PARD6G: variants seen among roughly 807,000 people sequenced by gnomAD.
The protein encoded by PARD6G is par-6 family cell polarity regulator gamma.
A neutral mutation model predicts 10.7 loss-of-function variants in PARD6G; 7 were observed. That is an observed-to-expected ratio of 0.66 (90% confidence interval 0.37 to 1.23). The LOEUF (loss-of-function observed/expected upper bound fraction) is 1.23, where lower values mean the gene tolerates loss of function less well. PARD6G is among the 50% of genes most tolerant of loss of function. The probability of loss-of-function intolerance (pLI) is 0.02; values close to 1 mark genes in which losing one functional copy is unlikely to be tolerated. For missense variants in PARD6G, 548 were observed against 571.8 expected, an observed-to-expected ratio of 0.96 and a Z score of 0.42; for synonymous variants, 287 against 269.4, an observed-to-expected ratio of 1.07 and a Z score of -0.64.
At chr18:80,203,929 C>T (rs1010656152) in intron 1 of PARD6G, among the ~76,000 whole-genome samples, 4 of 152,116 alleles carry the variant, frequency 2.6e-5, no homozygotes, top group Non-Finnish European at 2.9e-5. Flanking sequence ...TTCCTAAAGG[C>T]GACATGTACA....
intron 1 of PARD6G, among the ~76,000 whole-genome samples, chr18:80,226,350 A>G (rs1007714931): frequency 6.6e-6 from 1 of 151,634 alleles, no homozygotes; most frequent in African/African-American, 2.4e-5. Flanking sequence ...TTGCATTTTT[A>G]GTAGAGACGG....
Position 80,159,979 on chromosome 18 carries a change from T to C in PARD6G, c.923A>G (p.Glu308Gly), listed in dbSNP as rs1405995327. Residue 308 changes from glutamate to glycine, a missense_variant, in exon 3 of 3, where the codon GAG (glutamate) becomes GGG (glycine). This residue lies in a region of PARD6G where 313 missense variants were observed against 279.9 expected (regional missense o/e 1.12). Transcript: ENST00000353265. ...DNDVVIEGTL[E>G]PARPPQTPGA... ...CGGGGTCTGGGGGGGACGTGCAGGC[T>C]CCAGTGTGCCCTCGATGACGACGTC... is the stretch of plus-strand genomic sequence containing the variant. The C allele has an allele frequency of 6.7e-7, 1 of 1,503,674 alleles. No individual in the cohort carries two copies. 93.1% of individuals were successfully genotyped at this position (1,503,674 alleles called of 1,614,324 possible). A position where few individuals can be genotyped will look rare whatever the true frequency, so the allele number is the denominator to read the frequency against.
chr18:80,243,702 G>A (rs994174766), intron 1 of PARD6G, among the ~76,000 whole-genome samples: 5 of 152,152 alleles, frequency 3.3e-5, no homozygotes, highest in African/African-American at 1.2e-4. Flanking sequence ...GAAGGGGTCG[G>A]ACAGAGAAAG....
At chr18:80,216,823 G>C (rs1967172490) in intron 1 of PARD6G, among the ~76,000 whole-genome samples, 1 of 152,066 alleles carries the variant, frequency 6.6e-6, no homozygotes, top group South Asian at 2.1e-4. Flanking sequence ...TCAAAAGTTG[G>C]TTATTTGAAA....
rs1362233750 is a variant in PARD6G, at chr18:80,180,943, C to G, written c.296-20337G>C. Among the ~76,000 whole-genome samples the G allele has an allele frequency of 1.3e-5, 2 of 152,214 alleles. No individual in the cohort carries two copies. Among genetic ancestry groups the G allele is most frequent in the East Asian group, 3.9e-4 (2 of 5,194 alleles). On this transcript the variant is annotated intron_variant, in intron 2 of 2. Transcript: ENST00000353265. The surrounding 1 kb of genome is among the most constrained non-coding windows in gnomAD (Gnocchi z 5.6). ...TAGCTCTCCACATGCAGATGCCCCA[C>G]AGCAAAGAAATGTCCAGCGCAGAAC... is the stretch of plus-strand genomic sequence containing the variant.
chr18:80,240,541 G>A (rs576348250), intron 1 of PARD6G, among the ~76,000 whole-genome samples: 1 of 152,232 alleles, frequency 6.6e-6, no homozygotes, highest in South Asian at 2.1e-4. Context: ...CGCAGCTAGG[G>A]TTCTGAACTG....
chr18:80,240,305 T>C (rs1183478738), intron 1 of PARD6G, among the ~76,000 whole-genome samples: 1 of 152,254 alleles, frequency 6.6e-6, no homozygotes, highest in Non-Finnish European at 1.5e-5. Context: ...TCCTAACTTG[T>C]TCCAGCATCA....
At position 80,231,925 on chromosome 18, in the gene PARD6G, G is replaced by T. The variant is rs1044466021; in HGVS notation, c.72+15352C>A. Among the ~76,000 whole-genome samples the T allele has an allele frequency of 6.6e-6, 1 of 152,120 alleles. No homozygotes were observed. The highest frequency in any genetic ancestry group is 1.5e-5 in the Non-Finnish European group (1 of 68,028). The stretch of plus-strand genomic sequence containing the variant: ...AGCACAGGATAGTAAGCCTGTTTTG[G>T]GCTCACACTGTGGGCCTGAGCTGCT... On this transcript the variant is annotated intron_variant, in intron 1 of 2. Coordinates refer to ENST00000353265, the MANE Select transcript of PARD6G (RefSeq NM_032510.4). This position sits in a 1 kb window ranked among gnomAD's most constrained non-coding sequence, Gnocchi z 4.2.
At chr18:80,199,980 G>A (rs1413769466) in intron 2 of PARD6G, among the ~76,000 whole-genome samples, 1 of 152,176 alleles carries the variant, frequency 6.6e-6, no homozygotes, top group Non-Finnish European at 1.5e-5. Context: ...ATAATTGTGG[G>A]TTTATTCCAA....
At chr18:80,230,999 T>C (rs1435547051) in intron 1 of PARD6G, among the ~76,000 whole-genome samples, 4 of 152,248 alleles carry the variant, frequency 2.6e-5, no homozygotes, top group South Asian at 2.1e-4. Flanking sequence ...AAAGGGAATT[T>C]GGAAAAGACC....
chr18:80,189,007 C>A lies in PARD6G; in HGVS notation c.295+13703G>T, dbSNP rs1201055916. Among the ~76,000 whole-genome samples, 1 of 152,208 alleles carries A rather than the reference C, an allele frequency of 6.6e-6. No individual in the cohort carries two copies. Among genetic ancestry groups the A allele is most frequent in the South Asian group, 2.1e-4 (1 of 4,834 alleles). Reference sequence around the variant, plus strand: ...CGTTGCCCAGCCCGGGGTTGCCTGACACTCTCTGGGGCAGAGAACCCAGTT... The same window carrying A: ...CGTTGCCCAGCCCGGGGTTGCCTGAAACTCTCTGGGGCAGAGAACCCAGTT... On this transcript the variant is annotated intron_variant, in intron 2 of 2. Transcript: ENST00000353265. This position sits in a 1 kb window ranked among gnomAD's most constrained non-coding sequence, Gnocchi z 5.5.
chr18:80,163,325 T>G (rs2052713409), intron 2 of PARD6G, among the ~76,000 whole-genome samples: 1 of 152,112 alleles, frequency 6.6e-6, no homozygotes, highest in South Asian at 2.1e-4. Context: ...AGAAATGGTG[T>G]GTGTCCATGT....
Position 80,208,743 on chromosome 18 carries a change from A to T in PARD6G, c.73-5811T>A, listed in dbSNP as rs906116166. 1.8e-4 allele frequency among the ~76,000 whole-genome samples: 28 copies of T among 152,072 alleles called. 1 individual carries two copies. Among genetic ancestry groups the T allele is most frequent in the Admixed American group, 1.5e-3 (23 of 15,266 alleles). On this transcript the variant is annotated intron_variant, in intron 1 of 2. Transcript: ENST00000353265. ...CATAGCAAGACCTTGTTTATGTTAAAAAAAAAAATCAAATTTCCTAAAAAA... is the reference window on the plus strand; with the variant it reads ...CATAGCAAGACCTTGTTTATGTTAATAAAAAAAATCAAATTTCCTAAAAAA...
chr18:80,206,887 ATACT>A (rs1967058958), intron 1 of PARD6G, among the ~76,000 whole-genome samples: 1 of 152,084 alleles, frequency 6.6e-6, no homozygotes, highest in Admixed American at 6.5e-5. Context: ...TTATCAATAA[ATACT>A]TAACGTAAAT....
chr18:80,224,221 G>C (rs779102789), intron 1 of PARD6G, among the ~76,000 whole-genome samples: 1 of 152,088 alleles, frequency 6.6e-6, no homozygotes, highest in Non-Finnish European at 1.5e-5. Flanking sequence ...CCATTAACAC[G>C]ATTATGTCTT....
At chr18:80,203,630 C>T (rs1967029844) in intron 1 of PARD6G, among the ~76,000 whole-genome samples, 1 of 152,190 alleles carries the variant, frequency 6.6e-6, no homozygotes, top group South Asian at 2.1e-4. Context: ...TCCCTTGCCT[C>T]ATCTGTGGTT....
At chr18:80,208,022 T>A (rs1369708143) in intron 1 of PARD6G, among the ~76,000 whole-genome samples, 1 of 151,084 alleles carries the variant, frequency 6.6e-6, no homozygotes, top group Non-Finnish European at 1.5e-5. Flanking sequence ...TGCATGATAG[T>A]GGTATCAAAT....
chr18:80,215,530 T>G (rs1217037456), intron 1 of PARD6G, among the ~76,000 whole-genome samples: 1 of 152,152 alleles, frequency 6.6e-6, no homozygotes, highest in East Asian at 1.9e-4. Flanking sequence ...GAGCAAAATT[T>G]TTGTATATAA....
chr18:80,198,205 A>G (rs1007916238), intron 2 of PARD6G, among the ~76,000 whole-genome samples: 4 of 152,158 alleles, frequency 2.6e-5, no homozygotes, highest in African/African-American at 9.7e-5. Context: ...CTGAGCCTCA[A>G]ATGCAGCCTC....
Sources: gnomAD v4.1 joint callset for allele counts (sites outside exome capture counted in the v4.1 genomes callset) on GRCh38, gnomAD v4.1.1 for gene constraint, gnomAD v4.1.1 regional missense constraint, Gnocchi (gnomAD v3.1) non-coding constraint, MANE v1.5 for transcripts, NCBI Gene and HGNC (gene_info 2026-07-23, HGNC 2026-07-21) for gene names.